SLC1A2: variants seen among roughly 807,000 people sequenced by gnomAD.
SLC1A2 encodes solute carrier family 1 member 2.
In SLC1A2, 15 loss-of-function variants were observed where a neutral mutation model predicts 48.8. The observed-to-expected ratio is 0.31, with a 90% CI of 0.21 to 0.47. The LOEUF (loss-of-function observed/expected upper bound fraction) is 0.47, where lower values mean the gene tolerates loss of function less well. Ranked by LOEUF, SLC1A2 falls within the 20% of genes least tolerant of loss-of-function variation. The pLI is 0.99. For synonymous variants in SLC1A2, 279 were observed against 272.6 expected (o/e 1.02, Z -0.23); for missense variants, 502 against 730.5 (o/e 0.69, Z 3.61).
intron 1 of SLC1A2, among the ~76,000 whole-genome samples, chr11:35,349,067 C>T (rs1302214778): frequency 6.6e-6 from 1 of 151,894 alleles, no homozygotes; most frequent in Non-Finnish European, 1.5e-5. Flanking sequence ...AAGCTCAGAG[C>T]AGGATGGGAG....
chr11:35,350,366 T>A (rs1432523184), intron 1 of SLC1A2, among the ~76,000 whole-genome samples: 6 of 152,240 alleles, frequency 3.9e-5, no homozygotes, highest in Non-Finnish European at 5.9e-5. Flanking sequence ...TGAGCATTTA[T>A]ATTAAGTCCA....
intron 1 of SLC1A2, among the ~76,000 whole-genome samples, chr11:35,391,840 G>T (rs1166408327): frequency 1.3e-5 from 2 of 152,014 alleles, no homozygotes; most frequent in African/African-American, 4.8e-5. Context: ...CAAACCTAAG[G>T]ACTTCAAATA....
chr11:35,297,627 G>A (rs753882423), intron 6 of SLC1A2: 34 of 151,982 alleles, frequency 2.2e-4, no homozygotes, highest in Non-Finnish European at 4.1e-4. Context: ...TTTACTTTCT[G>A]TTTAAGTTTT....
At chr11:35,340,352 C>T (rs764812090) in intron 1 of SLC1A2, among the ~76,000 whole-genome samples, 14 of 152,220 alleles carry the variant, frequency 9.2e-5, no homozygotes, top group Non-Finnish European at 1.9e-4. Flanking sequence ...AAGGGCTGTC[C>T]ACAGTCTGGC....
intron 1 of SLC1A2, chr11:35,380,232 T>A (rs1255052001): frequency 5.0e-6 from 2 of 396,566 alleles, no homozygotes; most frequent in Non-Finnish European, 8.9e-6. Context: ...TCTGCAGTCC[T>A]GTGAAATGAA....
chr11:35,299,333 G>C (rs2421770), intron 6 of SLC1A2: 76,682 of 142,852 alleles, frequency 0.54, 21,579 homozygotes, highest in East Asian at 0.73. Context: ...GCGAGTCTTT[G>C]TCTCTCTCTC....
chr11:35,293,009 A>AGAGAG (rs1417007603), intron 6 of SLC1A2, among the ~76,000 whole-genome samples: 3 of 146,240 alleles, frequency 2.1e-5, no homozygotes, highest in Non-Finnish European at 3.0e-5. Flanking sequence ...GAGAGAGAGA[A>AGAGAG]CAAGGAAATC....
At chr11:35,304,892 A>T (rs953557737) in intron 5 of SLC1A2, among the ~76,000 whole-genome samples, 4 of 152,196 alleles carry the variant, frequency 2.6e-5, no homozygotes, top group African/African-American at 9.6e-5. Context: ...CTAAAATTCA[A>T]ATTTATCCAG....
chr11:35,380,492 C>T (rs1854386131), intron 1 of SLC1A2: 1 of 398,358 alleles, frequency 2.5e-6, no homozygotes, highest in Non-Finnish European at 4.4e-6. Flanking sequence ...TGTGCGACTC[C>T]CTGGATTGGT....
chr11:35,315,407 A>T (rs1239199620), intron 2 of SLC1A2: 2 of 389,492 alleles, frequency 5.1e-6, no homozygotes, highest in Non-Finnish European at 9.6e-6. Flanking sequence ...AGTCAAGGAG[A>T]ACTCAAGGCT....
intron 1 of SLC1A2, chr11:35,370,960 C>G: frequency 3.0e-6 from 3 of 985,282 alleles, no homozygotes; most frequent in Non-Finnish European, 3.6e-6. Context: ...TTGGATAAAT[C>G]ATTCCATTTC....
chr11:35,314,872 ATCC>A, intron 3 of SLC1A2, 148 bp downstream of exon 3: 1 of 520,830 alleles, frequency 1.9e-6, no homozygotes, highest in Non-Finnish European at 3.5e-6. Context: ...AGGGTTGATT[ATCC>A]TCATTTCAGA....
intron 1 of SLC1A2, among the ~76,000 whole-genome samples, chr11:35,344,394 C>T (rs1214328563): frequency 6.6e-6 from 1 of 152,166 alleles, no homozygotes; most frequent in East Asian, 1.9e-4. Flanking sequence ...GAAGGAACAG[C>T]AAGTGCAAAG....
intron 1 of SLC1A2, among the ~76,000 whole-genome samples, chr11:35,358,088 T>G (rs1298557962): frequency 6.6e-6 from 1 of 151,392 alleles, no homozygotes; most frequent in Non-Finnish European, 1.5e-5. Flanking sequence ...AAGGTTACAG[T>G]GAGTCGAGAT....
chr11:35,271,324 A>G (rs1187993872), intron 9 of SLC1A2, among the ~76,000 whole-genome samples: 2 of 152,186 alleles, frequency 1.3e-5, no homozygotes, highest in Non-Finnish European at 2.9e-5. Context: ...GCAGGTGATA[A>G]TAGGACTCAT....
chr11:35,403,052 A>G (rs1363836407), intron 1 of SLC1A2, among the ~76,000 whole-genome samples: 1 of 152,238 alleles, frequency 6.6e-6, no homozygotes, highest in East Asian at 1.9e-4. Context: ...TCTAAGCTCA[A>G]CAGACTAAAA....
chr11:35,405,214 A>G (rs774870327), intron 1 of SLC1A2, among the ~76,000 whole-genome samples: 1 of 152,230 alleles, frequency 6.6e-6, no homozygotes, highest in Non-Finnish European at 1.5e-5. Context: ...AAGAATAGCT[A>G]ACATTTTTAT....
chr11:35,396,704 T>G (rs1400608107), intron 1 of SLC1A2, among the ~76,000 whole-genome samples: 6 of 152,132 alleles, frequency 3.9e-5, no homozygotes, highest in East Asian at 1.9e-4. Context: ...TGTCAATTTT[T>G]TCTTTTGTTG....
At position 35,260,942 on chromosome 11, in the gene SLC1A2, C is replaced by T. The variant is rs758369019; in HGVS notation, c.1677G>A (p.Lys559=). The T allele has an allele frequency of 1.2e-6, 2 of 1,613,890 alleles. No homozygotes were observed. Among genetic ancestry groups the T allele is most frequent in the Non-Finnish European group, 1.7e-6 (2 of 1,179,758 alleles). The change falls in exon 11 of 11, where the codon AAG becomes AAA. Residue 559 remains lysine (K), a synonymous_variant. Coordinates refer to ENST00000278379, the MANE Select transcript of SLC1A2 (RefSeq NM_004171.4). ...ECKVTLAANG[K]SADCSVEEEP... The stretch of plus-strand genomic sequence containing the variant: ...CTTCCTCAACACTGCAGTCGGCTGA[C>T]TTTCCATTGGCTGCCAGAGTTACCT...
Sources: gnomAD v4.1 joint callset for allele counts (sites outside exome capture counted in the v4.1 genomes callset) on GRCh38, gnomAD v4.1.1 for gene constraint, MANE v1.5 for transcripts, NCBI Gene and HGNC (gene_info 2026-07-23, HGNC 2026-07-21) for gene names.